Variants in GALNT7 observed in about 807,000 individuals in gnomAD.
GALNT7 encodes the protein polypeptide N-acetylgalactosaminyltransferase 7, also known as N-acetylgalactosaminyltransferase 7.
GALNT7 carries 60 observed loss-of-function variants against 82.1 expected under a neutral mutation model. The ratio of observed to expected loss-of-function variants is 0.73; its 90% CI spans 0.59 to 0.91. The LOEUF (loss-of-function observed/expected upper bound fraction) is 0.91, where lower values mean the gene tolerates loss of function less well. Ranked by LOEUF, GALNT7 falls within the 40% of genes least tolerant of loss-of-function variation. The probability of loss-of-function intolerance (pLI) is 0.00; values close to 1 mark genes in which losing one functional copy is unlikely to be tolerated. For missense variants in GALNT7, 660 were observed against 804.2 expected, an observed-to-expected ratio of 0.82 and a Z score of 2.17; for synonymous variants, 243 against 275.1, an observed-to-expected ratio of 0.88 and a Z score of 1.15.
chr4:173,255,574 C>T (rs968565672), intron 2 of GALNT7, among the ~76,000 whole-genome samples: 5 of 152,082 alleles, frequency 3.3e-5, no homozygotes, highest in African/African-American at 1.2e-4. Flanking sequence ...TAACAACCCA[C>T]CCCAGTGACA....
chr4:173,287,718 CT>C (rs1268731218), intron 2 of GALNT7, among the ~76,000 whole-genome samples: 1 of 152,200 alleles, frequency 6.6e-6, no homozygotes, highest in Non-Finnish European at 1.5e-5. Flanking sequence ...TGCTCATCTG[CT>C]TATGGCCTTG....
At chr4:173,257,984 C>T (rs889455549) in intron 2 of GALNT7, among the ~76,000 whole-genome samples, 12 of 152,180 alleles carry the variant, frequency 7.9e-5, no homozygotes, top group African/African-American at 2.9e-4. Context: ...TGGAGTGGGT[C>T]CCCATCCAAG....
intron 1 of GALNT7, among the ~76,000 whole-genome samples, chr4:173,221,212 T>G (rs531987542): frequency 6.6e-6 from 1 of 152,318 alleles, no homozygotes; most frequent in South Asian, 2.1e-4. Flanking sequence ...TGTGAGATGA[T>G]ATCTCATTGT....
At chr4:173,216,782 G>A (rs537850403) in intron 1 of GALNT7, among the ~76,000 whole-genome samples, 1 of 121,720 alleles carries the variant, frequency 8.2e-6, no homozygotes, top group South Asian at 3.0e-4. Context: ...CCAGGCTGGA[G>A]TGCAATGGCG....
chr4:173,252,305 G>A (rs989538019), intron 2 of GALNT7, among the ~76,000 whole-genome samples: 6 of 152,126 alleles, frequency 3.9e-5, no homozygotes, highest in African/African-American at 1.4e-4. Flanking sequence ...GCTTTTTGCC[G>A]CTTCAGAACA....
chr4:173,197,898 G>T (rs11732929), intron 1 of GALNT7, among the ~76,000 whole-genome samples: 17,362 of 152,216 alleles, frequency 0.11, 1,152 homozygotes, highest in Middle Eastern at 0.17. Flanking sequence ...TCACACATCA[G>T]AGCCTCACTT....
intron 1 of GALNT7, among the ~76,000 whole-genome samples, chr4:173,216,457 C>G (rs185962720): frequency 2.6e-4 from 39 of 152,030 alleles, no homozygotes; most frequent in African/African-American, 9.4e-4. Flanking sequence ...GTTGTATTGA[C>G]TTAGATAAAT....
chr4:173,306,416 G>A (rs2126855665), intron 8 of GALNT7, among the ~76,000 whole-genome samples: 1 of 152,318 alleles, frequency 6.6e-6, no homozygotes, highest in East Asian at 1.9e-4. Flanking sequence ...GAATAGAAGT[G>A]GGGAGAGTGG....
chr4:173,246,747 T>C (rs1172011448), intron 1 of GALNT7, among the ~76,000 whole-genome samples: 1 of 152,170 alleles, frequency 6.6e-6, no homozygotes, highest in Non-Finnish European at 1.5e-5. Context: ...TACTTTTGTA[T>C]TTTTTAAGGC....
At chr4:173,200,326 A>C (rs1221340817) in intron 1 of GALNT7, among the ~76,000 whole-genome samples, 1 of 152,196 alleles carries the variant, frequency 6.6e-6, no homozygotes, top group African/African-American at 2.4e-5. Flanking sequence ...GGCAGAAAGA[A>C]AGCGACTCAG....
chr4:173,218,885 T>C (rs1206356460), intron 1 of GALNT7, among the ~76,000 whole-genome samples: 1 of 152,186 alleles, frequency 6.6e-6, no homozygotes, highest in Non-Finnish European at 1.5e-5. Flanking sequence ...GCTAGATGCC[T>C]GGTATGCAAA....
chr4:173,187,800 T>C (rs1275579964), intron 1 of GALNT7, among the ~76,000 whole-genome samples: 1 of 152,208 alleles, frequency 6.6e-6, no homozygotes, highest in Non-Finnish European at 1.5e-5. Context: ...TGTTTATTAG[T>C]CTTACTCCTA....
At chr4:173,185,386 C>G (rs559000353) in intron 1 of GALNT7, among the ~76,000 whole-genome samples, 1 of 147,198 alleles carries the variant, frequency 6.8e-6, no homozygotes, top group South Asian at 2.2e-4. Flanking sequence ...TAACTTACTA[C>G]TGGGAGTGAA....
intron 8 of GALNT7, among the ~76,000 whole-genome samples, chr4:173,313,440 A>C (rs868663836): frequency 6.6e-6 from 1 of 151,954 alleles, no homozygotes. Flanking sequence ...GTATAGTGGC[A>C]TGTACCTATA....
At chr4:173,250,530 T>C (rs80007832) in intron 2 of GALNT7, among the ~76,000 whole-genome samples, 4,760 of 152,144 alleles carry the variant, frequency 0.031, 152 homozygotes, top group African/African-American at 0.079. Context: ...GGTCCGCTTC[T>C]TTCCTCTCCT....
chr4:173,222,199 ATTACT>A (rs1454682649), intron 1 of GALNT7, among the ~76,000 whole-genome samples: 1 of 152,146 alleles, frequency 6.6e-6, no homozygotes, highest in Non-Finnish European at 1.5e-5. Flanking sequence ...TGATCTCAAC[ATTACT>A]TTAATAATCT....
At chr4:173,178,052 T>TGCGTGCGCGCGC (rs1554019747) in intron 1 of GALNT7, among the ~76,000 whole-genome samples, 1 of 129,510 alleles carries the variant, frequency 7.7e-6, no homozygotes, top group Non-Finnish European at 1.6e-5. Flanking sequence ...TGTGTGTGTG[T>TGCGTGCGCGCGC]GCGCGCACGC....
At chr4:173,306,660 A>AT (rs1737166408) in intron 8 of GALNT7, among the ~76,000 whole-genome samples, 1 of 152,034 alleles carries the variant, frequency 6.6e-6, no homozygotes, top group South Asian at 2.1e-4. Flanking sequence ...ACATTTACTG[A>AT]TTTGTGTATG....
At chr4:173,225,535 A>T (rs918918150) in intron 1 of GALNT7, among the ~76,000 whole-genome samples, 14 of 152,180 alleles carry the variant, frequency 9.2e-5, no homozygotes, top group Non-Finnish European at 2.9e-5. Flanking sequence ...ATGGCCTAGC[A>T]TTTATTGCAT....
Sources: allele counts gnomAD v4.1 joint callset (sites outside exome capture counted in the v4.1 genomes callset), GRCh38; gene constraint gnomAD v4.1.1; transcripts MANE v1.5; gene names NCBI Gene and HGNC (gene_info 2026-07-23, HGNC 2026-07-21).